Variants in MEF2D observed in about 807,000 individuals in gnomAD.
MEF2D encodes the protein myocyte enhancer factor 2D.
In MEF2D, 10 loss-of-function variants were observed where a neutral mutation model predicts 59.3. The observed-to-expected ratio is 0.17, with a 90% CI of 0.10 to 0.29. The LOEUF (loss-of-function observed/expected upper bound fraction) is 0.29. Among genes scored for constraint, MEF2D ranks in the 10% least tolerant of loss-of-function variants. MEF2D has a pLI of 1.00. For missense variants in MEF2D, 508 were observed against 699.4 expected, an observed-to-expected ratio of 0.73 and a Z score of 3.09; for synonymous variants, 305 against 295.0, an observed-to-expected ratio of 1.03 and a Z score of -0.35.
chr1:156,500,202 G>C (rs923890574), intron 1 of MEF2D, among the ~76,000 whole-genome samples: 1 of 151,666 alleles, frequency 6.6e-6, no homozygotes, highest in Non-Finnish European at 1.5e-5. Context: ...AGGCGGGCGC[G>C]CCCCCAATCC....
intron 3 of MEF2D, 35 bp from the exon 4 acceptor site, chr1:156,481,006 GTCCTTCCCGCCCGCCTCGCTGGAGT>G: frequency 6.2e-7 from 1 of 1,610,480 alleles, no homozygotes; most frequent in Non-Finnish European, 8.5e-7. Context: ...CTGGGTGAGA[GTCCTTCCCGCCCGCCTCGCTGGAGT>G]TCCTTCCAGC....
intron 1 of MEF2D, among the ~76,000 whole-genome samples, chr1:156,491,118 A>G (rs891477867): frequency 1.3e-5 from 2 of 152,134 alleles, no homozygotes; most frequent in Non-Finnish European, 2.9e-5. Context: ...CCCAGTAGAG[A>G]AGGGATGGGT....
In MEF2D at chr1:156,479,680, T is replaced by A. The variant is rs1671856915; in HGVS notation, c.513A>T (p.Ser171=). 4 of 1,551,568 alleles carry A rather than the reference T, an allele frequency of 2.6e-6. No homozygotes were observed. The highest frequency in any genetic ancestry group is 2.6e-6 in the Non-Finnish European group (3 of 1,147,038). Residue 171 remains serine (S), a synonymous_variant, in exon 5 of 12, where the codon TCA becomes TCT. Transcript: ENST00000348159. ...GSLVTPSLVT[S]SLTDPRLLSP... ...ACAGGAGCCGCGGGTCCGTGAGGGA[T>A]GATGTCACCAGGGAAGGGGTGACCA...
chr1:156,492,221 T>C (rs1460902464), intron 1 of MEF2D, among the ~76,000 whole-genome samples: 1 of 152,220 alleles, frequency 6.6e-6, no homozygotes, highest in East Asian at 1.9e-4. Context: ...TTTACTTCCA[T>C]TTCTAGCTCC....
Position 156,464,419 on chromosome 1 carries a change from G to A in MEF2D, c.*3226C>T, listed in dbSNP as rs905333407. On this transcript the variant is annotated 3_prime_UTR_variant, in exon 12 of 12. Coordinates refer to ENST00000348159, the MANE Select transcript of MEF2D (RefSeq NM_005920.4). ...GCTGCACTGAGTGTGCTGTTGAGGG[G>A]GGGAGAATGGTGTGTTCCACTGAGG... 1.3e-5 allele frequency: 2 copies of A among 148,922 alleles called. No individual in the cohort carries two copies. Among genetic ancestry groups the A allele is most frequent in the Non-Finnish European group, 3.0e-5 (2 of 67,124 alleles). 9.2% of individuals were successfully genotyped at this position (148,922 alleles called of 1,614,324 possible). A position where few individuals can be genotyped will look rare whatever the true frequency, so the allele number is the denominator to read the frequency against.
At chr1:156,497,678 C>T (rs1673210343) in intron 1 of MEF2D, among the ~76,000 whole-genome samples, 1 of 152,128 alleles carries the variant, frequency 6.6e-6, no homozygotes, top group Non-Finnish European at 1.5e-5. Context: ...AAATGTTGGG[C>T]CCACCCACTT....
rs1279704801 is a variant in MEF2D at position 156,468,831 on chromosome 1, T to C, written c.1196A>G (p.Gln399Arg). 3 of 1,614,184 alleles carry C rather than the reference T, an allele frequency of 1.9e-6. No homozygotes were observed. The highest frequency in any genetic ancestry group is 2.5e-6 in the Non-Finnish European group (3 of 1,179,994). ...CAGGTGGGACTGTTGCTGAGGTGGC[T>C]GTTGCGGCTGCTGAGGCTGCTGTGG... ...PQPQQPQQPQ[Q>R]PPQQQSHLVP... The change falls in exon 10 of 12, where the codon CAG (glutamine) becomes CGG (arginine). Residue 399 changes from glutamine (Q) to arginine (R), a missense_variant. Gln to Arg is a conservative substitution (Grantham distance 43, BLOSUM62 1). Transcript: ENST00000348159. The surrounding 1 kb of genome is among the most constrained non-coding windows in gnomAD (Gnocchi z 4.3).
rs958222401 is a variant in MEF2D at position 156,467,587 on chromosome 1, G to A, written c.*58C>T. On this transcript the variant is annotated 3_prime_UTR_variant, in exon 12 of 12. Transcript: ENST00000348159. ...GGAGGAGCCCGGGGCAGGGAAGGGCGGGCGGTGAGATTGTCAACTCTTCAT... is the reference window on the plus strand; with the variant it reads ...GGAGGAGCCCGGGGCAGGGAAGGGCAGGCGGTGAGATTGTCAACTCTTCAT... 2.8e-5 allele frequency: 36 copies of A among 1,302,988 alleles called. 1 individual carries two copies. In the South Asian group the frequency reaches 5.3e-4, roughly 19 times the overall value. 80.7% of individuals were successfully genotyped at this position (1,302,988 alleles called of 1,614,324 possible). A position where few individuals can be genotyped will look rare whatever the true frequency, so the allele number is the denominator to read the frequency against.
At chr1:156,480,681 C>T (rs201718068) in intron 4 of MEF2D, 153 bp downstream of exon 4, 7 of 1,576,674 alleles carry the variant, frequency 4.4e-6, no homozygotes, top group South Asian at 2.3e-5. Context: ...TCAAACTCCT[C>T]GTCTATCTTT....
At chr1:156,471,388 C>G (rs1198146578) in intron 9 of MEF2D, among the ~76,000 whole-genome samples, 2 of 152,226 alleles carry the variant, frequency 1.3e-5, no homozygotes, top group African/African-American at 4.8e-5. Flanking sequence ...CCTGGCCTCC[C>G]AATATGCTGG....
chr1:156,480,639 T>G (rs970048991), intron 4 of MEF2D, 195 bp downstream of exon 4: 1 of 1,547,666 alleles, frequency 6.5e-7, no homozygotes, highest in Non-Finnish European at 8.7e-7. Flanking sequence ...ATGCGACTAC[T>G]CACGGCCAGT....
intron 1 of MEF2D, among the ~76,000 whole-genome samples, chr1:156,497,378 G>T (rs951034781): frequency 1.3e-5 from 2 of 152,234 alleles, no homozygotes; most frequent in Admixed American, 6.5e-5. Context: ...CCTCAAACCA[G>T]CTGGCCTGAG....
Position 156,483,200 on chromosome 1 carries a change from T to C in MEF2D, c.54+39A>G, listed in dbSNP as rs752884257. 12 of 1,607,976 alleles carry C rather than the reference T, an allele frequency of 7.5e-6. No individual in the cohort carries two copies. The South Asian group carries it at 1.2e-4, about 16-fold the overall frequency. On this transcript the variant is annotated intron_variant, in intron 2 of 11. Transcript: ENST00000348159. ...GGAGTAGAGGCAGAGGCCTGCTCCC[T>C]GCCCTCACCCACTTCGTACGGCTCT... is the stretch of plus-strand genomic sequence containing the variant.
intron 5 of MEF2D, 46 bp from the exon 6 acceptor site, chr1:156,479,392 C>A: frequency 6.3e-7 from 1 of 1,592,348 alleles, no homozygotes; most frequent in Non-Finnish European, 8.6e-7. Flanking sequence ...ACTCCCGCTT[C>A]AAGAGTGAGT....
intron 1 of MEF2D, among the ~76,000 whole-genome samples, chr1:156,498,340 C>A (rs1458162010): frequency 1.3e-5 from 2 of 152,058 alleles, no homozygotes; most frequent in African/African-American, 4.8e-5. Flanking sequence ...CAGACAGAAG[C>A]TCTAGCCAAT....
In MEF2D at chr1:156,464,417, G is replaced by C. The variant is rs576199828; in HGVS notation, c.*3228C>G. 1 of 149,814 alleles carries C rather than the reference G, an allele frequency of 6.7e-6. No homozygotes were observed. The highest frequency in any genetic ancestry group is 6.6e-5 in the Admixed American group (1 of 15,086). 9.3% of individuals were successfully genotyped at this position (149,814 alleles called of 1,614,324 possible). Reference sequence around the variant, plus strand: ...TTGCTGCACTGAGTGTGCTGTTGAGGGGGGGAGAATGGTGTGTTCCACTGA... The same window carrying C: ...TTGCTGCACTGAGTGTGCTGTTGAGCGGGGGAGAATGGTGTGTTCCACTGA... On this transcript the variant is annotated 3_prime_UTR_variant, in exon 12 of 12. Coordinates refer to ENST00000348159, the MANE Select transcript of MEF2D (RefSeq NM_005920.4).
In MEF2D at chr1:156,464,951, T is replaced by C. The variant is rs563889785; in HGVS notation, c.*2694A>G. The C allele has an allele frequency of 2.0e-5, 3 of 152,402 alleles. No homozygotes were observed. The highest frequency in any genetic ancestry group is 4.4e-5 in the Non-Finnish European group (3 of 68,058). The allele number at this position is 152,402 out of a possible 1,614,324, so 9.4% of individuals were successfully genotyped here. A position where few individuals can be genotyped will look rare whatever the true frequency, so the allele number is the denominator to read the frequency against. The stretch of plus-strand genomic sequence containing the variant: ...GAAGGGAAGGCCATTCATTCATTTA[T>C]TGAGCACCTATCATTCAACTATTCA... On this transcript the variant is annotated 3_prime_UTR_variant, in exon 12 of 12. Coordinates refer to ENST00000348159, the MANE Select transcript of MEF2D (RefSeq NM_005920.4).
In MEF2D at chr1:156,490,086, A is replaced by G. The variant is rs527626884; in HGVS notation, c.-138-6656T>C. Among the ~76,000 whole-genome samples, 6 of 152,236 alleles carry G rather than the reference A, an allele frequency of 3.9e-5. No homozygotes were observed. The South Asian group carries it at 1.2e-3, about 32-fold the overall frequency. ...GGTTCACACAGTGAGCTCTTCCTTC[A>G]CAAAAGAAGTGGGGGGCATTACCCC... On this transcript the variant is annotated intron_variant, in intron 1 of 11. Transcript: ENST00000348159.
chr1:156,476,253 C>T (rs551810286), intron 8 of MEF2D, among the ~76,000 whole-genome samples: 1 of 152,276 alleles, frequency 6.6e-6, no homozygotes, highest in South Asian at 2.1e-4. Flanking sequence ...GAACATAATA[C>T]CACATGCAGA....
Sources: gnomAD v4.1 joint callset for allele counts (sites outside exome capture counted in the v4.1 genomes callset) on GRCh38, gnomAD v4.1.1 for gene constraint, Gnocchi (gnomAD v3.1) non-coding constraint, MANE v1.5 for transcripts, NCBI Gene and HGNC (gene_info 2026-07-23, HGNC 2026-07-21) for gene names.